The following SLC4A4 variants were observed in gnomAD, a reference collection of about 807,000 sequenced individuals.
SLC4A4 encodes the protein solute carrier family 4 member 4, also known as electrogenic sodium bicarbonate cotransporter 1.
A neutral mutation model predicts 111.5 loss-of-function variants in SLC4A4; 27 were observed. That is an observed-to-expected ratio of 0.24 (90% CI 0.18 to 0.33). The LOEUF (loss-of-function observed/expected upper bound fraction) is 0.33. SLC4A4 is among the 10% of genes least tolerant of loss of function. The pLI is 1.00. For synonymous variants in SLC4A4, 443 were observed against 463.4 expected (o/e 0.96, Z 0.57); for missense variants, 909 against 1,315.5 (o/e 0.69, Z 4.78).
At chr4:71,419,743 C>T (rs1188649937) in intron 7 of SLC4A4, among the ~76,000 whole-genome samples, 1 of 152,202 alleles carries the variant, frequency 6.6e-6, no homozygotes, top group African/African-American at 2.4e-5. Context: ...GTGAGATGAA[C>T]CCGGTACCTC....
intron 2 of SLC4A4, among the ~76,000 whole-genome samples, chr4:71,132,924 C>A (rs1743745985): frequency 6.6e-6 from 1 of 152,194 alleles, no homozygotes; most frequent in South Asian, 2.1e-4. Flanking sequence ...CAGCTAAAGG[C>A]CACTCCAATG....
intron 6 of SLC4A4, among the ~76,000 whole-genome samples, chr4:71,380,420 C>G (rs1718011333): frequency 6.6e-6 from 1 of 152,146 alleles, no homozygotes; most frequent in Non-Finnish European, 1.5e-5. Context: ...CTGTCTCTTT[C>G]TGGGCAGGTA....
intron 1 of SLC4A4, among the ~76,000 whole-genome samples, chr4:71,082,700 T>A (rs940050598): frequency 6.6e-6 from 1 of 152,036 alleles, no homozygotes; most frequent in Admixed American, 6.5e-5. Flanking sequence ...TTGCTTCAGA[T>A]TTTTTGAAAT....
intron 1 of SLC4A4, among the ~76,000 whole-genome samples, chr4:71,193,326 A>AT (rs1275997845): frequency 3.9e-5 from 6 of 151,958 alleles, no homozygotes; most frequent in Non-Finnish European, 5.9e-5. Flanking sequence ...CGTCCGGCTA[A>AT]TTTTTTGTAT....
intron 2 of SLC4A4, among the ~76,000 whole-genome samples, chr4:71,145,103 T>C (rs1744126266): frequency 6.6e-6 from 1 of 152,242 alleles, no homozygotes; most frequent in Non-Finnish European, 1.5e-5. Flanking sequence ...ATAACTCTTA[T>C]TATTTTGAGA....
chr4:71,319,672 G>C (rs1035505665), intron 3 of SLC4A4, among the ~76,000 whole-genome samples: 1 of 152,002 alleles, frequency 6.6e-6, no homozygotes, highest in Non-Finnish European at 1.5e-5. Context: ...TAATATAATA[G>C]CATTATCTGG....
intron 2 of SLC4A4, among the ~76,000 whole-genome samples, chr4:71,169,158 T>C (rs547556477): frequency 8.2e-4 from 124 of 151,824 alleles, no homozygotes; most frequent in African/African-American, 2.9e-3. Flanking sequence ...TACAGGCATG[T>C]GCCACCATAC....
intron 3 of SLC4A4, among the ~76,000 whole-genome samples, chr4:71,272,499 G>A (rs2363719): frequency 0.11 from 16,035 of 152,084 alleles, 896 homozygotes; most frequent in South Asian, 0.19. Context: ...TTGTACTAGA[G>A]GGCGTCATGT....
At chr4:71,325,411 T>G (rs1485282388) in intron 3 of SLC4A4, among the ~76,000 whole-genome samples, 1 of 152,060 alleles carries the variant, frequency 6.6e-6, no homozygotes, top group Non-Finnish European at 1.5e-5. Flanking sequence ...TTGCTTTTAA[T>G]TTAAATTGTA....
Position 71,466,654 on chromosome 4 carries a change from T to C in SLC4A4, c.1631+77T>C. ...TTTATAGGCTAGATAGAGCATAGAA[T>C]AGTGATTAGGCAGATCCAAGAATCA... On this transcript the variant is annotated intron_variant, in intron 13 of 25. Transcript: ENST00000264485. 10 of 1,428,568 alleles carry C rather than the reference T, an allele frequency of 7.0e-6. 1 individual carries two copies. In the South Asian group the frequency reaches 8.1e-5, roughly 12 times the overall value. 88.5% of individuals were successfully genotyped at this position (1,428,568 alleles called of 1,614,324 possible).
chr4:71,217,518 G>A (rs1440336366), intron 1 of SLC4A4, among the ~76,000 whole-genome samples: 2 of 152,126 alleles, frequency 1.3e-5, no homozygotes, highest in African/African-American at 2.4e-5. Context: ...AGCTGAGATC[G>A]TGTCACTGCA....
chr4:71,276,754 A>G (rs1723100065), intron 3 of SLC4A4, among the ~76,000 whole-genome samples: 1 of 152,106 alleles, frequency 6.6e-6, no homozygotes, highest in Admixed American at 6.5e-5. Flanking sequence ...AGGCTTTTGA[A>G]ATAAAGCTGC....
intron 1 of SLC4A4, among the ~76,000 whole-genome samples, chr4:71,214,363 G>A (rs1718301475): frequency 6.6e-6 from 1 of 152,126 alleles, no homozygotes; most frequent in African/African-American, 2.4e-5. Context: ...GGATTTCCAG[G>A]TACATGTTAG....
At chr4:71,364,149 G>A (rs934339541) in intron 6 of SLC4A4, among the ~76,000 whole-genome samples, 51 of 152,176 alleles carry the variant, frequency 3.4e-4, no homozygotes, top group Admixed American at 3.3e-3. Context: ...GTCTTTAGTT[G>A]TTTGACATTG....
chr4:71,192,789 A>C (rs1745793563), intron 1 of SLC4A4, among the ~76,000 whole-genome samples: 1 of 152,220 alleles, frequency 6.6e-6, no homozygotes, highest in Non-Finnish European at 1.5e-5. Context: ...CCATATAACC[A>C]GTGCCAAGAC....
intron 1 of SLC4A4, among the ~76,000 whole-genome samples, chr4:71,195,711 C>T (rs1047993869): frequency 3.3e-5 from 5 of 152,158 alleles, no homozygotes; most frequent in African/African-American, 7.2e-5. Context: ...AGGCTCCTTT[C>T]GGTTCTTACT....
intron 3 of SLC4A4, among the ~76,000 whole-genome samples, chr4:71,260,194 G>A (rs1023574510): frequency 6.6e-6 from 1 of 152,156 alleles, no homozygotes; most frequent in Admixed American, 6.5e-5. Flanking sequence ...CTTTTGTTTG[G>A]TGCTTCCGGG....
chr4:71,346,523 CTG>C (rs1208030117), intron 4 of SLC4A4, among the ~76,000 whole-genome samples: 1 of 150,430 alleles, frequency 6.6e-6, no homozygotes, highest in East Asian at 2.0e-4. Flanking sequence ...AGTAAAAAGT[CTG>C]TTTTTTTTTT....
chr4:71,297,432 T>C (rs1198140887), intron 3 of SLC4A4, among the ~76,000 whole-genome samples: 4 of 152,066 alleles, frequency 2.6e-5, no homozygotes, highest in East Asian at 3.9e-4. Flanking sequence ...TTTGTTTTCA[T>C]GTGTGTGGTT....
Sources: allele counts gnomAD v4.1 joint callset (sites outside exome capture counted in the v4.1 genomes callset), GRCh38; gene constraint gnomAD v4.1.1; transcripts MANE v1.5; gene names NCBI Gene and HGNC (gene_info 2026-07-23, HGNC 2026-07-21).